APOBEC3A: variants seen among roughly 807,000 people sequenced by gnomAD.
The protein encoded by APOBEC3A is DNA dC->dU-editing enzyme APOBEC-3A.
A neutral mutation model predicts 23.0 loss-of-function variants in APOBEC3A; 13 were observed. That is an observed-to-expected ratio of 0.57 (90% CI 0.37 to 0.90). The LOEUF (loss-of-function observed/expected upper bound fraction) is 0.90. Among genes scored for constraint, APOBEC3A ranks in the 40% least tolerant of loss-of-function variants. The pLI, the probability that APOBEC3A is intolerant of heterozygous loss-of-function variation, is 0.01. For missense variants in APOBEC3A, 179 were observed against 264.9 expected (o/e 0.68, Z 2.25); for synonymous variants, 74 against 101.3 (o/e 0.73, Z 1.62).
intron 1 of APOBEC3A, among the ~76,000 whole-genome samples, chr22:38,959,098 C>T (rs1284123138): frequency 2.0e-5 from 3 of 152,126 alleles, no homozygotes; most frequent in African/African-American, 7.2e-5. Context: ...AGGTTCCTCT[C>T]CCCAGTCATC....
rs1362122614 is a variant in APOBEC3A, at chr22:38,962,387, C to T, written c.586-108C>T. The T allele has an allele frequency of 2.0e-5, 31 of 1,553,998 alleles. 1 individual carries two copies. The highest frequency in any genetic ancestry group is 7.8e-5 in the Admixed American group (4 of 50,988). ...CAGCCTCCTTCTCTTTCCCACCTCCCGCATCCCTCCCTCCTCTCCCGTCAT... is the reference window on the plus strand; with the variant it reads ...CAGCCTCCTTCTCTTTCCCACCTCCTGCATCCCTCCCTCCTCTCCCGTCAT... On this transcript the variant is annotated intron_variant, in intron 4 of 4. Coordinates refer to ENST00000249116, the MANE Select transcript of APOBEC3A (RefSeq NM_145699.4).
At position 38,959,542 on chromosome 22, in the gene APOBEC3A, A is replaced by G. The variant is rs779826674; in HGVS notation, c.30A>G (p.Arg10=). MEASPASGP[R]HLMDPHIFTS... ...TGGTCTTTTCCCTGGCTGTCCACAG[A>G]CACTTGATGGATCCACACATATTCA... The change falls in exon 2 of 5, where the codon AGA becomes AGG. Residue 10 remains arginine, a splice_region_variant and synonymous_variant. Transcript: ENST00000249116. The G allele has an allele frequency of 1.2e-6, 2 of 1,613,224 alleles. No individual in the cohort carries two copies. The highest frequency in any genetic ancestry group is 1.7e-6 in the Non-Finnish European group (2 of 1,179,512).
At chr22:38,957,872 T>G in intron 1 of APOBEC3A, 152 bp downstream of exon 1, 1 of 1,019,366 alleles carries the variant, frequency 9.8e-7, no homozygotes, top group Non-Finnish European at 1.4e-6. Flanking sequence ...GTTCCCAGTT[T>G]TGGTCCCAGC....
intron 2 of APOBEC3A, 54 bp downstream of exon 2, chr22:38,959,740 T>G (rs1328871818): frequency 6.3e-7 from 1 of 1,588,996 alleles, no homozygotes; most frequent in Admixed American, 1.7e-5. Context: ...CCAGGGACAT[T>G]CATAGGTAGA....
intron 2 of APOBEC3A, among the ~76,000 whole-genome samples, chr22:38,960,019 G>A: frequency 6.6e-6 from 1 of 152,194 alleles, no homozygotes; most frequent in Non-Finnish European, 1.5e-5. Flanking sequence ...ATGCCCCAGT[G>A]CCCTCTCCTG....
In APOBEC3A at chr22:38,962,220, G is replaced by A. The variant is rs1232372825; in HGVS notation, c.585+7G>A. On this transcript the variant is annotated splice_region_variant and intron_variant, in intron 4 of 4. Transcript: ENST00000249116. ...GCTGCGGGCCATTCTCCAGGTGAGGGCTTCCTCCCTCTGCCCGGTGCCCCA... is the reference window on the plus strand; with the variant it reads ...GCTGCGGGCCATTCTCCAGGTGAGGACTTCCTCCCTCTGCCCGGTGCCCCA... 5 of 1,613,478 alleles carry A rather than the reference G, an allele frequency of 3.1e-6. No individual in the cohort carries two copies. Among genetic ancestry groups the A allele is most frequent in the East Asian group, 4.5e-5 (2 of 44,878 alleles).
rs1346686033 is a variant in APOBEC3A at position 38,962,774 on chromosome 22, C to T, written c.*265C>T. ...GAGATCGAGACCATCCTGGCTAACACGGTGAAACCCTGTCTCTACTAAAAA... is the reference window on the plus strand; with the variant it reads ...GAGATCGAGACCATCCTGGCTAACATGGTGAAACCCTGTCTCTACTAAAAA... On this transcript the variant is annotated 3_prime_UTR_variant, in exon 5 of 5. Coordinates refer to ENST00000249116, the MANE Select transcript of APOBEC3A (RefSeq NM_145699.4). 88 of 814,858 alleles carry T rather than the reference C, an allele frequency of 1.1e-4. 4 individuals are homozygous for T. The highest frequency in any genetic ancestry group is 3.7e-4 in the Middle Eastern group (1 of 2,684). The allele number at this position is 814,858 out of a possible 1,614,324, so 50.5% of individuals were successfully genotyped here. A position where few individuals can be genotyped will look rare whatever the true frequency, so the allele number is the denominator to read the frequency against.
chr22:38,962,247 C>T (rs756712241), intron 4 of APOBEC3A, 34 bp downstream of exon 4: 31 of 1,613,474 alleles, frequency 1.9e-5, no homozygotes, highest in African/African-American at 8.0e-5. Context: ...GGTGCCCCAT[C>T]GGCCTCCCCC....
intron 2 of APOBEC3A, 58 bp downstream of exon 2, chr22:38,959,744 A>G (rs1922791568): frequency 5.1e-6 from 8 of 1,581,634 alleles, no homozygotes; most frequent in Non-Finnish European, 6.9e-6. Flanking sequence ...GGACATTCAT[A>G]GGTAGAAGGT....
intron 1 of APOBEC3A, among the ~76,000 whole-genome samples, chr22:38,957,949 A>T (rs1181144322): frequency 6.6e-6 from 1 of 152,174 alleles, no homozygotes; most frequent in Non-Finnish European, 1.5e-5. Flanking sequence ...GTGCACAGGG[A>T]GCCTGAAAAT....
rs1275113159 is a variant in APOBEC3A, at chr22:38,963,128, A to G, written c.*619A>G. 2 of 153,384 alleles carry G rather than the reference A, an allele frequency of 1.3e-5. 1 individual carries two copies. The highest frequency in any genetic ancestry group is 4.4e-4 in the East Asian group (2 of 4,590). 9.5% of individuals were successfully genotyped at this position (153,384 alleles called of 1,614,324 possible). A position where few individuals can be genotyped will look rare whatever the true frequency, so the allele number is the denominator to read the frequency against. ...ACTAACACAAAATTAAGAATCTTCCATAATTGCTTTTGCTCAGTAACTGTG... is the reference window on the plus strand; with the variant it reads ...ACTAACACAAAATTAAGAATCTTCCGTAATTGCTTTTGCTCAGTAACTGTG... On this transcript the variant is annotated 3_prime_UTR_variant, in exon 5 of 5. Transcript: ENST00000249116.
intron 1 of APOBEC3A, 57 bp from the exon 2 acceptor site, chr22:38,959,484 AG>A: frequency 6.3e-7 from 1 of 1,583,892 alleles, no homozygotes; most frequent in Middle Eastern, 1.7e-4. Context: ...AGGGAGGAGG[AG>A]GCAGGGCAGT....
rs745627850 is a variant in APOBEC3A, at chr22:38,962,114, G to T, written c.486G>T (p.Trp162Cys). 5.6e-6 allele frequency: 9 copies of T among 1,611,416 alleles called. No homozygotes were observed. In the South Asian group the frequency reaches 8.8e-5, roughly 16 times the overall value. The change falls in exon 4 of 5, where the codon TGG (tryptophan) becomes TGT (cysteine). Residue 162 changes from tryptophan to cysteine, a missense_variant. By Grantham distance (215) the Trp-to-Cys change is radical. Transcript: ENST00000249116. The part of the protein sequence containing the change: ...IMTYDEFKHC[W>C]DTFVDHQGCP... ...CCTTTTCAGAATTTAAGCACTGCTGGGACACCTTTGTGGACCACCAGGGAT... is the reference window on the plus strand; with the variant it reads ...CCTTTTCAGAATTTAAGCACTGCTGTGACACCTTTGTGGACCACCAGGGAT...
chr22:38,959,583 A>C lies in APOBEC3A; in HGVS notation c.71A>C (p.Asn24Thr). 1.9e-6 allele frequency: 3 copies of C among 1,614,062 alleles called. No homozygotes were observed. The highest frequency in any genetic ancestry group is 2.5e-6 in the Non-Finnish European group (3 of 1,179,974). ...DPHIFTSNFN[N>T]GIGRHKTYLC... ...CACATATTCACTTCCAACTTTAACA[A>C]TGGCATTGGAAGGCATAAGACCTAC... is the stretch of plus-strand genomic sequence containing the variant. Residue 24 changes from asparagine (N) to threonine (T), a missense_variant, in exon 2 of 5, where the codon AAT (asparagine) becomes ACT (threonine). Coordinates refer to ENST00000249116, the MANE Select transcript of APOBEC3A (RefSeq NM_145699.4).
chr22:38,960,528 A>G (rs545173066), intron 2 of APOBEC3A, among the ~76,000 whole-genome samples: 2 of 152,102 alleles, frequency 1.3e-5, no homozygotes, highest in South Asian at 2.1e-4. Context: ...GCTGTCCCCA[A>G]CTTGACCGAT....
At position 38,959,503 on chromosome 22, in the gene APOBEC3A, G is replaced by A. The variant is rs375717618; in HGVS notation, c.30-39G>A. The A allele has an allele frequency of 1.5e-5, 24 of 1,604,344 alleles. No individual in the cohort carries two copies. The African/African-American group carries it at 2.1e-4, about 14-fold the overall frequency. The stretch of plus-strand genomic sequence containing the variant: ...AGGAGGAGGCAGGGCAGTCCAGGAG[G>A]GCTCTTCCTCCTCTGGTCTTTTCCC... On this transcript the variant is annotated intron_variant, in intron 1 of 4. Transcript: ENST00000249116.
intron 2 of APOBEC3A, among the ~76,000 whole-genome samples, chr22:38,960,110 A>C (rs2146272764): frequency 6.6e-6 from 1 of 152,296 alleles, no homozygotes; most frequent in South Asian, 2.1e-4. Context: ...AGCCCACAGC[A>C]AGGCCAGAAC....
At position 38,962,682 on chromosome 22, in the gene APOBEC3A, G is replaced by A. The variant is rs1031100564; in HGVS notation, c.*173G>A. 80 of 1,475,258 alleles carry A rather than the reference G, an allele frequency of 5.4e-5. 14 individuals carry two copies. The East Asian group carries it at 1.3e-3, about 24-fold the overall frequency. The allele number at this position is 1,475,258 out of a possible 1,614,324, so 91.4% of individuals were successfully genotyped here. On this transcript the variant is annotated 3_prime_UTR_variant, in exon 5 of 5. Coordinates refer to ENST00000249116, the MANE Select transcript of APOBEC3A (RefSeq NM_145699.4). ...GATTTTTAAAAAATCAGAGTGGGCCGGGCGCGGTGGCTCACGCCTGTAATC... is the reference window on the plus strand; with the variant it reads ...GATTTTTAAAAAATCAGAGTGGGCCAGGCGCGGTGGCTCACGCCTGTAATC...
chr22:38,959,907 AG>A (rs1922800488), intron 2 of APOBEC3A, among the ~76,000 whole-genome samples: 1 of 152,150 alleles, frequency 6.6e-6, no homozygotes, highest in Admixed American at 6.5e-5. Flanking sequence ...GTGCTTCCTG[AG>A]GACCCTCCCA....
Sources: gnomAD v4.1 joint callset for allele counts (sites outside exome capture counted in the v4.1 genomes callset) on GRCh38, gnomAD v4.1.1 for gene constraint, MANE v1.5 for transcripts, NCBI Gene and HGNC (gene_info 2026-07-23, HGNC 2026-07-21) for gene names.